SPAG9: variants seen among roughly 807,000 people sequenced by gnomAD.
SPAG9 encodes the protein C-Jun-amino-terminal kinase-interacting protein 4.
In SPAG9, 35 loss-of-function variants were observed where a neutral mutation model predicts 166.5. The observed-to-expected ratio is 0.21, with a 90% CI of 0.16 to 0.28. The LOEUF (loss-of-function observed/expected upper bound fraction) is 0.28. Ranked by LOEUF, SPAG9 falls within the 10% of genes least tolerant of loss-of-function variation. SPAG9 has a pLI of 1.00. For missense variants in SPAG9, 1,235 were observed against 1,603.3 expected, an observed-to-expected ratio of 0.77 and a Z score of 3.92; for synonymous variants, 534 against 565.5, an observed-to-expected ratio of 0.94 and a Z score of 0.79.
At chr17:51,050,716 T>A (rs928102662) in intron 3 of SPAG9, among the ~76,000 whole-genome samples, 1 of 150,500 alleles carries the variant, frequency 6.6e-6, no homozygotes. Flanking sequence ...ACAGTATCAC[T>A]CAGGTTAAAA....
At chr17:51,030,164 C>T (rs2058253) in intron 6 of SPAG9, among the ~76,000 whole-genome samples, 46,518 of 152,028 alleles carry the variant, frequency 0.31, 7,191 homozygotes, top group Admixed American at 0.36. Flanking sequence ...TAGTGCTATA[C>T]AGAATATATA....
Position 51,020,215 on chromosome 17 carries a change from G to A in SPAG9, c.1035C>T (p.Ile345=), listed in dbSNP as rs778992456. 1.2e-6 allele frequency: 2 copies of A among 1,613,616 alleles called. No homozygotes were observed. The highest frequency in any genetic ancestry group is 1.7e-5 in the Admixed American group (1 of 60,008). The change falls in exon 8 of 30, where the codon ATC becomes ATT. Residue 345 remains isoleucine, a synonymous_variant. Transcript: ENST00000262013. ...NEEKSEVQAI[I]ESTPELDMDK... is the part of the protein sequence containing the mutation. ...CCATATCCAGCTCAGGAGTAGATTC[G>A]ATGATTGCTTGAACTTCTGACTTTT... is the stretch of plus-strand genomic sequence containing the variant.
chr17:51,044,344 T>G (rs570732428), intron 4 of SPAG9, among the ~76,000 whole-genome samples: 8 of 152,348 alleles, frequency 5.3e-5, no homozygotes, highest in Admixed American at 3.9e-4. Flanking sequence ...GTGGCAGATT[T>G]ATACCTGCAG....
intron 26 of SPAG9, among the ~76,000 whole-genome samples, chr17:50,977,936 A>C (rs572224084): frequency 1.3e-5 from 2 of 152,310 alleles, no homozygotes; most frequent in African/African-American, 4.8e-5. Context: ...TATAAGCTGA[A>C]AAAGTTCTGG....
Position 51,053,225 on chromosome 17 carries a change from T to C in SPAG9, c.495+3187A>G, listed in dbSNP as rs138214575. Among the ~76,000 whole-genome samples, 1,100 of 150,516 alleles carry C rather than the reference T, an allele frequency of 7.3e-3. 16 individuals are homozygous for C. The highest frequency in any genetic ancestry group is 0.024 in the African/African-American group (971 of 41,276). ...TATAATATATTTATAAAATTATAAA[T>C]TATAAATTTATCAATTATAATGGAT... is the stretch of plus-strand genomic sequence containing the variant. On this transcript the variant is annotated intron_variant, in intron 3 of 29. Coordinates refer to ENST00000262013, the MANE Select transcript of SPAG9 (RefSeq NM_001130528.3).
intron 3 of SPAG9, among the ~76,000 whole-genome samples, chr17:51,048,083 T>G (rs976548733): frequency 5.9e-5 from 9 of 152,088 alleles, no homozygotes; most frequent in African/African-American, 2.2e-4. Context: ...TAATCATCTA[T>G]TATAACAGCA....
In SPAG9 at chr17:50,987,101, T is replaced by C. The variant is rs187583890; in HGVS notation, c.2939+11A>G. 6.9e-6 allele frequency: 11 copies of C among 1,601,562 alleles called. No individual in the cohort carries two copies. Among genetic ancestry groups the C allele is most frequent in the African/African-American group, 4.0e-5 (3 of 74,116 alleles). ...ACAACATATTCTAATGTTAAAAGCATTGACACCTACCAGCCATTTTGAGCT... is the reference window on the plus strand; with the variant it reads ...ACAACATATTCTAATGTTAAAAGCACTGACACCTACCAGCCATTTTGAGCT... On this transcript the variant is annotated intron_variant, in intron 22 of 29. Coordinates refer to ENST00000262013, the MANE Select transcript of SPAG9 (RefSeq NM_001130528.3).
intron 13 of SPAG9, among the ~76,000 whole-genome samples, chr17:51,000,755 GAATAAATAAATAAATA>G (rs71149335): frequency 3.7e-4 from 33 of 89,316 alleles, no homozygotes; most frequent in African/African-American, 6.8e-4. Context: ...ATAAATGAAT[GAATAAATAAATAAATA>G]AATAAATAAA....
chr17:50,995,327 A>G, intron 17 of SPAG9, 103 bp from the exon 18 acceptor site: 1 of 1,310,018 alleles, frequency 7.6e-7, no homozygotes, highest in Admixed American at 2.3e-5. Flanking sequence ...TTATAACCTA[A>G]TATTATAAAA....
Position 51,027,935 on chromosome 17 carries a change from T to C in SPAG9, c.783+3746A>G, listed in dbSNP as rs548703604. Among the ~76,000 whole-genome samples, 11 of 152,274 alleles carry C rather than the reference T, an allele frequency of 7.2e-5. No individual in the cohort carries two copies. In the East Asian group the frequency reaches 9.6e-4, roughly 13 times the overall value. ...GGAGGTGATAGCTCCATGTGTGTCA[T>C]TGCTCCTGAAAACTTTCCAGTGGGA... is the stretch of plus-strand genomic sequence containing the variant. On this transcript the variant is annotated intron_variant, in intron 6 of 29. Transcript: ENST00000262013.
At chr17:51,076,989 G>GCTATCTAGCTAGCTAGCTAGCTAT (rs2047991208) in intron 2 of SPAG9, among the ~76,000 whole-genome samples, 17 of 100,734 alleles carry the variant, frequency 1.7e-4, no homozygotes, top group African/African-American at 6.5e-4. Flanking sequence ...ATCTTATCTA[G>GCTATCTAGCTAGCTAGCTAGCTAT]CTATCTAGCT....
intron 10 of SPAG9, 89 bp downstream of exon 10, chr17:51,007,180 C>A: frequency 1.5e-6 from 1 of 663,654 alleles, no homozygotes; most frequent in Non-Finnish European, 2.6e-6. Flanking sequence ...AGGGAGATTC[C>A]ATTAGTATTA....
intron 1 of SPAG9, among the ~76,000 whole-genome samples, chr17:51,085,700 T>C (rs1446177837): frequency 6.6e-6 from 1 of 152,216 alleles, no homozygotes; most frequent in Admixed American, 6.5e-5. Context: ...CAAAATGGAA[T>C]GTTGTCTTTC....
intron 1 of SPAG9, among the ~76,000 whole-genome samples, chr17:51,089,613 CTTTAT>C (rs1375896142): frequency 5.4e-5 from 5 of 92,166 alleles, no homozygotes; most frequent in Admixed American, 1.3e-4. Flanking sequence ...TATATATACA[CTTTAT>C]TTTATATATA....
At chr17:51,058,821 G>A (rs1299080427) in intron 2 of SPAG9, among the ~76,000 whole-genome samples, 1 of 152,172 alleles carries the variant, frequency 6.6e-6, no homozygotes, top group Non-Finnish European at 1.5e-5. Context: ...AAACTGTGGT[G>A]TATGGTTTCA....
intron 5 of SPAG9, among the ~76,000 whole-genome samples, chr17:51,037,685 A>ATATATATATATATATATATATATT: frequency 1.2e-5 from 1 of 83,492 alleles, no homozygotes; most frequent in African/African-American, 3.9e-5. Flanking sequence ...ATATATATAT[A>ATATATATATATATATATATATATT]GTGTGTGTGT....
intron 1 of SPAG9, among the ~76,000 whole-genome samples, chr17:51,093,694 C>CA (rs57010523): frequency 0.6 from 43,145 of 72,256 alleles, 11,929 homozygotes; most frequent in African/African-American, 0.66. Flanking sequence ...GACTCCGTCT[C>CA]AAAAAAAAAA....
chr17:51,111,965 T>C lies in SPAG9; in HGVS notation c.303+8389A>G, dbSNP rs1223876757. The stretch of plus-strand genomic sequence containing the variant: ...TCACTACAGCAGGGACACATAATGG[T>C]ATCTCATTTAGATATTCACATTCAG... On this transcript the variant is annotated intron_variant, in intron 1 of 29. Coordinates refer to ENST00000262013, the MANE Select transcript of SPAG9 (RefSeq NM_001130528.3). Among the ~76,000 whole-genome samples the C allele has an allele frequency of 3.3e-5, 5 of 152,144 alleles. No individual in the cohort carries two copies. The East Asian group carries it at 9.6e-4, about 29-fold the overall frequency.
At chr17:51,110,610 G>T (rs1006916336) in intron 1 of SPAG9, among the ~76,000 whole-genome samples, 9 of 152,050 alleles carry the variant, frequency 5.9e-5, no homozygotes, top group Non-Finnish European at 1.0e-4. Flanking sequence ...GATGGCTTGA[G>T]CCCAAGAGGC....
Sources: allele counts gnomAD v4.1 joint callset (sites outside exome capture counted in the v4.1 genomes callset), GRCh38; gene constraint gnomAD v4.1.1; transcripts MANE v1.5; gene names NCBI Gene and HGNC (gene_info 2026-07-23, HGNC 2026-07-21).